The following SLC9C2 variants were observed in gnomAD, a reference collection of about 807,000 sequenced individuals.
SLC9C2 encodes sodium/hydrogen exchanger 11.
Under a neutral mutation model 140.2 loss-of-function variants are expected in SLC9C2, and 75 were observed. The observed-to-expected ratio is 0.53, with a 90% CI of 0.44 to 0.65. The LOEUF is 0.65. SLC9C2 is among the 30% of genes least tolerant of loss of function. The pLI, the probability that SLC9C2 is intolerant of heterozygous loss-of-function variation, is 0.00. For synonymous variants in SLC9C2, 375 were observed against 420.9 expected (o/e 0.89, Z 1.34); for missense variants, 1,074 against 1,331.8 (o/e 0.81, Z 3.01).
intron 9 of SLC9C2, among the ~76,000 whole-genome samples, chr1:173,568,545 G>A (rs1433001578): frequency 1.3e-5 from 2 of 152,084 alleles, no homozygotes; most frequent in Non-Finnish European, 2.9e-5. Context: ...GAGCATTTAG[G>A]TTGATTCCAT....
In SLC9C2 at chr1:173,526,709, T is replaced by C. The variant is rs1027514940; in HGVS notation, c.2319A>G (p.Leu773=). 5.7e-6 allele frequency: 9 copies of C among 1,586,028 alleles called. No homozygotes were observed. Among genetic ancestry groups the C allele is most frequent in the South Asian group, 2.4e-5 (2 of 85,058 alleles). ...GTTTGTTGGTTTCCAAAATTTCACA[T>C]AGTTTCTGTAAAAAATTAAGAAAAA... The part of the protein sequence containing the change: ...IAVCESIYQK[L]CEILETNKQD... The change falls in exon 19 of 28, where the codon CTA becomes CTG. Residue 773 remains leucine (L), a synonymous_variant. Transcript: ENST00000367714.
At position 173,582,337 on chromosome 1, in the gene SLC9C2, A is replaced by G. The variant is rs138556706; in HGVS notation, c.641-329T>C. On this transcript the variant is annotated intron_variant, in intron 6 of 27. Transcript: ENST00000367714. Reference sequence around the variant, plus strand: ...TCTAAACAAAAAAAATCTAAATTAAAAATTTTTAGATAAACTATGTCAAGA... The same window carrying G: ...TCTAAACAAAAAAAATCTAAATTAAGAATTTTTAGATAAACTATGTCAAGA... 3.6e-3 allele frequency among the ~76,000 whole-genome samples: 552 copies of G among 152,286 alleles called. 4 individuals carry two copies. Among genetic ancestry groups the G allele is most frequent in the African/African-American group, 0.013 (524 of 41,562 alleles).
chr1:173,503,116 T>C (rs1384772783), intron 27 of SLC9C2, 150 bp downstream of exon 27: 2 of 551,962 alleles, frequency 3.6e-6, no homozygotes, highest in Non-Finnish European at 6.2e-6. Flanking sequence ...TTAAATGGGG[T>C]TTATTCTAAT....
At chr1:173,537,717 G>A (rs929886511) in intron 13 of SLC9C2, among the ~76,000 whole-genome samples, 3 of 151,910 alleles carry the variant, frequency 2.0e-5, no homozygotes, top group African/African-American at 7.3e-5. Flanking sequence ...TTCTACAGCA[G>A]AATAGAGAGT....
chr1:173,507,433 A>G (rs1659725362), intron 24 of SLC9C2, among the ~76,000 whole-genome samples: 1 of 152,168 alleles, frequency 6.6e-6, no homozygotes, highest in Admixed American at 6.5e-5. Context: ...AAAGCAAGCT[A>G]GAGTCTGAGC....
intron 23 of SLC9C2, among the ~76,000 whole-genome samples, chr1:173,511,888 A>G (rs964825783): frequency 2.0e-5 from 3 of 152,136 alleles, no homozygotes; most frequent in Non-Finnish European, 2.9e-5. Flanking sequence ...AGTTTTCCCA[A>G]CACCATTTAC....
At chr1:173,602,176 T>C (rs759382450) in intron 1 of SLC9C2, among the ~76,000 whole-genome samples, 20 of 152,228 alleles carry the variant, frequency 1.3e-4, no homozygotes, top group South Asian at 1.0e-3. Context: ...GCCCGAACTT[T>C]CCTTAAGGCT....
chr1:173,590,366 T>C (rs1247091678), intron 4 of SLC9C2, among the ~76,000 whole-genome samples: 1 of 152,122 alleles, frequency 6.6e-6, no homozygotes, highest in African/African-American at 2.4e-5. Flanking sequence ...AGTCTTAATA[T>C]GTATAAATAA....
rs1461021 is a variant in SLC9C2, at chr1:173,535,965, G to A, written c.1656-16C>T. On this transcript the variant is annotated splice_polypyrimidine_tract_variant and intron_variant, in intron 14 of 27. Transcript: ENST00000367714. ...ACTCATGAATCTAACAGAGAAAAAT[G>A]TACATATGTGTTATAATAAAAAGCA... 37,510 of 1,478,800 alleles carry A rather than the reference G, an allele frequency of 0.025. 8,028 individuals are homozygous for A. In the African/African-American group the frequency reaches 0.48, roughly 19 times the overall value. 91.6% of individuals were successfully genotyped at this position (1,478,800 alleles called of 1,614,324 possible).
At chr1:173,516,361 A>C (rs1389766601) in intron 23 of SLC9C2, among the ~76,000 whole-genome samples, 1 of 152,224 alleles carries the variant, frequency 6.6e-6, no homozygotes, top group Non-Finnish European at 1.5e-5. Context: ...GGTTTGTTAC[A>C]TAGGTAAACT....
intron 9 of SLC9C2, among the ~76,000 whole-genome samples, chr1:173,558,740 T>C (rs536029213): frequency 1.3e-5 from 2 of 152,370 alleles, no homozygotes; most frequent in South Asian, 4.1e-4. Context: ...CAATGCTTAC[T>C]ATGTTCGTGT....
chr1:173,523,371 C>CA (rs888029182), intron 21 of SLC9C2, among the ~76,000 whole-genome samples: 19 of 151,506 alleles, frequency 1.3e-4, no homozygotes, highest in African/African-American at 4.6e-4. Flanking sequence ...GACTCTATCT[C>CA]AAAAAAATAA....
intron 13 of SLC9C2, among the ~76,000 whole-genome samples, chr1:173,540,553 A>T (rs1662314597): frequency 6.6e-6 from 1 of 152,186 alleles, no homozygotes; most frequent in Non-Finnish European, 1.5e-5. Flanking sequence ...GCAGTGGGGA[A>T]ACTGTAGCAG....
chr1:173,550,872 A>AGAGAGAGAGAGAGAGAGAG (rs1663237327), intron 11 of SLC9C2, among the ~76,000 whole-genome samples: 7 of 86,508 alleles, frequency 8.1e-5, no homozygotes, highest in African/African-American at 3.9e-4. Flanking sequence ...GAGCCGTTGA[A>AGAGAGAGAGAGAGAGAGAG]AGAGAGAGAG....
chr1:173,582,688 A>G (rs538302008), intron 6 of SLC9C2, among the ~76,000 whole-genome samples: 1 of 152,240 alleles, frequency 6.6e-6, no homozygotes, highest in Admixed American at 6.5e-5. Flanking sequence ...TCATACTGTG[A>G]TTTTTTCCCC....
At chr1:173,516,481 T>C (rs549821732) in intron 23 of SLC9C2, among the ~76,000 whole-genome samples, 58 of 152,262 alleles carry the variant, frequency 3.8e-4, no homozygotes, top group African/African-American at 1.1e-3. Context: ...CACCCTCCAA[T>C]AGGCCCCAGT....
Position 173,547,763 on chromosome 1 carries a change from C to T in SLC9C2, c.1483G>A (p.Asp495Asn), listed in dbSNP as rs1487143537. 2 of 1,611,640 alleles carry T rather than the reference C, an allele frequency of 1.2e-6. No individual in the cohort carries two copies. Among genetic ancestry groups the T allele is most frequent in the African/African-American group, 1.3e-5 (1 of 74,760 alleles). The change falls in exon 13 of 28, where the codon GAT becomes AAT. Residue 495 changes from aspartate (D) to asparagine (N), a missense_variant. Physicochemically the swap from Asp to Asn is conservative, Grantham distance 23. Transcript: ENST00000367714. ...TCTGTTGTGGATTCTGTCTTCATAT[C>T]ATTATGTGAAACGTGGGAAAACTGA... The part of the protein sequence containing the change: ...YIPFSHVSHN[D>N]MKTESTTDEA...
chr1:173,577,260 G>A (rs1167112995), intron 7 of SLC9C2, among the ~76,000 whole-genome samples: 2 of 152,170 alleles, frequency 1.3e-5, no homozygotes, highest in Non-Finnish European at 2.9e-5. Flanking sequence ...CAGCCCTCAA[G>A]GTGTCCTTTA....
intron 13 of SLC9C2, among the ~76,000 whole-genome samples, chr1:173,538,929 C>T (rs1390324325): frequency 6.6e-6 from 1 of 152,004 alleles, no homozygotes; most frequent in Non-Finnish European, 1.5e-5. Flanking sequence ...CTGTGAGATA[C>T]TCCTTCAACC....
Sources: gnomAD v4.1 joint callset for allele counts (sites outside exome capture counted in the v4.1 genomes callset) on GRCh38, gnomAD v4.1.1 for gene constraint, MANE v1.5 for transcripts, NCBI Gene and HGNC (gene_info 2026-07-23, HGNC 2026-07-21) for gene names.